Variants in CDH18 observed in about 807,000 individuals in gnomAD.
The protein encoded by CDH18 is cadherin-18.
Under a neutral mutation model 67.9 loss-of-function variants are expected in CDH18, and 31 were observed. That is an observed-to-expected ratio of 0.46 (90% CI 0.34 to 0.62). The LOEUF is 0.62. Ranked by LOEUF, CDH18 falls within the 20% of genes least tolerant of loss-of-function variation. The pLI is 0.01. For missense variants in CDH18, 890 were observed against 975.5 expected (o/e 0.91, Z 1.17); for synonymous variants, 362 against 347.2 (o/e 1.04, Z -0.48).
At chr5:20,544,354 A>G (rs1038326515) in intron 1 of CDH18, among the ~76,000 whole-genome samples, 7 of 152,204 alleles carry the variant, frequency 4.6e-5, no homozygotes, top group African/African-American at 1.7e-4. Context: ...ACATATGTGT[A>G]TGTATAATAT....
intron 1 of CDH18, among the ~76,000 whole-genome samples, chr5:20,510,629 AC>A (rs141096068): frequency 6.6e-6 from 1 of 152,264 alleles, no homozygotes; most frequent in African/African-American, 2.4e-5. Flanking sequence ...GAAAAGAAAG[AC>A]TCAAGCCCAT....
intron 2 of CDH18, among the ~76,000 whole-genome samples, chr5:20,109,172 T>C (rs1175315051): frequency 8.5e-5 from 13 of 152,172 alleles, no homozygotes; most frequent in Admixed American, 8.5e-4. Context: ...AAAAATCTAA[T>C]CTTTTATGAT....
At chr5:19,762,901 T>C (rs1363425365) in intron 3 of CDH18, among the ~76,000 whole-genome samples, 3 of 152,158 alleles carry the variant, frequency 2.0e-5, no homozygotes, top group Admixed American at 6.5e-5. Context: ...ATATACACCA[T>C]GGAATACTAT....
intron 5 of CDH18, among the ~76,000 whole-genome samples, chr5:19,700,812 C>T (rs1763141863): frequency 6.6e-6 from 1 of 152,024 alleles, no homozygotes; most frequent in Non-Finnish European, 1.5e-5. Flanking sequence ...GCCTTGTTTC[C>T]ATCATAGTTT....
At chr5:19,633,634 AT>A (rs1263665679) in intron 5 of CDH18, among the ~76,000 whole-genome samples, 2 of 150,508 alleles carry the variant, frequency 1.3e-5, no homozygotes, top group South Asian at 2.1e-4. Context: ...ATTTGTTTTC[AT>A]TTTTTTTTAA....
intron 1 of CDH18, among the ~76,000 whole-genome samples, chr5:20,515,902 T>C (rs138089094): frequency 6.6e-6 from 1 of 152,174 alleles, no homozygotes; most frequent in East Asian, 1.9e-4. Context: ...TGAAGTTAAG[T>C]TGCTTGACTA....
intron 2 of CDH18, among the ~76,000 whole-genome samples, chr5:20,068,461 G>A (rs1033431886): frequency 1.3e-5 from 2 of 152,042 alleles, no homozygotes; most frequent in African/African-American, 2.4e-5. Flanking sequence ...GGAAACTGGT[G>A]AACATAGGGT....
intron 1 of CDH18, among the ~76,000 whole-genome samples, chr5:20,280,135 C>A (rs1026431213): frequency 1.3e-5 from 2 of 151,910 alleles, no homozygotes; most frequent in African/African-American, 4.8e-5. Flanking sequence ...ATATGTATGA[C>A]ATTTCTTTTC....
At chr5:19,798,568 T>A (rs1777093438) in intron 3 of CDH18, among the ~76,000 whole-genome samples, 1 of 151,948 alleles carries the variant, frequency 6.6e-6, no homozygotes, top group Non-Finnish European at 1.5e-5. Flanking sequence ...TAAATGCTTT[T>A]TTTCCCTCAT....
At chr5:19,846,639 T>A (rs770935119) in intron 2 of CDH18, among the ~76,000 whole-genome samples, 2 of 152,160 alleles carry the variant, frequency 1.3e-5, no homozygotes, top group African/African-American at 2.4e-5. Context: ...GGGTTCCACA[T>A]GACCAACTGC....
At chr5:20,545,292 T>C (rs988105297) in intron 1 of CDH18, among the ~76,000 whole-genome samples, 1 of 152,192 alleles carries the variant, frequency 6.6e-6, no homozygotes, top group Non-Finnish European at 1.5e-5. Context: ...TTCTGGGGTC[T>C]GGAGAATGGT....
intron 1 of CDH18, among the ~76,000 whole-genome samples, chr5:20,263,620 T>G (rs938797655): frequency 6.6e-6 from 1 of 152,154 alleles, no homozygotes; most frequent in African/African-American, 2.4e-5. Flanking sequence ...TAAAAAAATG[T>G]TACAAATAAT....
At chr5:19,763,994 CAAAAAAA>C (rs60958986) in intron 3 of CDH18, among the ~76,000 whole-genome samples, 4 of 65,310 alleles carry the variant, frequency 6.1e-5, no homozygotes, top group Non-Finnish European at 7.9e-5. Context: ...ACTAAAAATA[CAAAAAAA>C]AAAAAAAAAA....
chr5:20,167,753 G>C (rs553333554), intron 2 of CDH18, among the ~76,000 whole-genome samples: 1 of 152,264 alleles, frequency 6.6e-6, no homozygotes, highest in East Asian at 1.9e-4. Flanking sequence ...AAGATCCCTT[G>C]AGTAGAGTAG....
intron 1 of CDH18, among the ~76,000 whole-genome samples, chr5:20,418,653 C>T (rs1188045961): frequency 5.1e-5 from 3 of 58,742 alleles, no homozygotes; most frequent in Non-Finnish European, 3.4e-5. Context: ...ATGAAGATTT[C>T]AATAATTTTT....
At chr5:20,387,167 G>A (rs1236928564) in intron 1 of CDH18, among the ~76,000 whole-genome samples, 1 of 152,142 alleles carries the variant, frequency 6.6e-6, no homozygotes, top group African/African-American at 2.4e-5. Flanking sequence ...AAAGTTTATG[G>A]ACATTTTCAT....
At chr5:20,459,558 T>G (rs1041838821) in intron 1 of CDH18, among the ~76,000 whole-genome samples, 2 of 152,146 alleles carry the variant, frequency 1.3e-5, no homozygotes, top group Non-Finnish European at 2.9e-5. Context: ...ATCTTTCCCT[T>G]CATTTCACAA....
intron 6 of CDH18, among the ~76,000 whole-genome samples, chr5:19,603,279 T>C (rs1414867742): frequency 6.6e-6 from 1 of 152,168 alleles, no homozygotes; most frequent in Non-Finnish European, 1.5e-5. Flanking sequence ...AAATATTGCA[T>C]GATTCCACTT....
intron 2 of CDH18, among the ~76,000 whole-genome samples, chr5:20,158,119 G>A (rs1042415265): frequency 6.6e-6 from 1 of 151,958 alleles, no homozygotes; most frequent in African/African-American, 2.4e-5. Context: ...TATGTAATAC[G>A]GTTAAAACTA....
Sources: allele counts gnomAD v4.1 joint callset (sites outside exome capture counted in the v4.1 genomes callset), GRCh38; gene constraint gnomAD v4.1.1; transcripts MANE v1.5; gene names NCBI Gene and HGNC (gene_info 2026-07-23, HGNC 2026-07-21).